PRH1: variants seen among roughly 807,000 people sequenced by gnomAD.
The protein encoded by PRH1 is proline rich protein HaeIII subfamily 1.
A neutral mutation model predicts 7.9 loss-of-function variants in PRH1; 7 were observed. The observed-to-expected ratio is 0.89, with a 90% CI of 0.50 to 1.67. PRH1 has a LOEUF of 1.67. Ranked by LOEUF, PRH1 falls within the 40% of genes most tolerant of loss-of-function variation. The pLI, the probability that PRH1 is intolerant of heterozygous loss-of-function variation, is 0.00. For missense variants in PRH1, 109 were observed against 223.6 expected (o/e 0.49, Z 3.27); for synonymous variants, 45 against 80.8 (o/e 0.56, Z 2.38).
intron 2 of PRH1, among the ~76,000 whole-genome samples, chr12:10,904,694 T>G (rs1038316678): frequency 6.6e-6 from 1 of 152,096 alleles, no homozygotes; most frequent in Non-Finnish European, 1.5e-5. Flanking sequence ...CTAATTAAAC[T>G]AAAGAATTTC....
chr12:11,084,754 A>G (rs1353478221), intron 1 of PRH1, among the ~76,000 whole-genome samples: 1 of 143,190 alleles, frequency 7.0e-6, no homozygotes, highest in African/African-American at 2.5e-5. Flanking sequence ...ATGCACATTT[A>G]TTAATAATGA....
chr12:11,040,529 C>A (rs1435892077), intron 1 of PRH1, among the ~76,000 whole-genome samples: 1 of 152,148 alleles, frequency 6.6e-6, no homozygotes, highest in Non-Finnish European at 1.5e-5. Flanking sequence ...AACACACAGA[C>A]ACAGGGAGGG....
intron 1 of PRH1, among the ~76,000 whole-genome samples, chr12:10,982,063 T>C (rs945774690): frequency 3.9e-5 from 6 of 152,114 alleles, no homozygotes; most frequent in African/African-American, 7.2e-5. Flanking sequence ...AAAGGGGTTC[T>C]AATGAGTTCA....
At chr12:11,134,396 G>C in intron 1 of PRH1, 1 of 989,626 alleles carries the variant, frequency 1.0e-6, no homozygotes, top group Non-Finnish European at 1.4e-6. Context: ...CCAGTGTCAA[G>C]TCAGAAATCA....
At chr12:11,054,937 T>G in intron 1 of PRH1, among the ~76,000 whole-genome samples, 1 of 149,028 alleles carries the variant, frequency 6.7e-6, no homozygotes, top group South Asian at 2.1e-4. Context: ...CACTGCAAGC[T>G]CCGCCTCACT....
At chr12:11,042,623 C>CTTTTTT (rs71051557) in intron 1 of PRH1, among the ~76,000 whole-genome samples, 23 of 79,310 alleles carry the variant, frequency 2.9e-4, no homozygotes, top group East Asian at 7.5e-4. Context: ...CAGGCTCATT[C>CTTTTTT]TTTTTTTTTT....
chr12:10,970,320 A>C (rs1192448462), intron 2 of PRH1, among the ~76,000 whole-genome samples: 1 of 152,162 alleles, frequency 6.6e-6, no homozygotes, highest in Non-Finnish European at 1.5e-5. Context: ...AAATTATTTT[A>C]TTTAAGGATA....
chr12:10,929,224 C>CA (rs759668830), intron 2 of PRH1: 2 of 1,611,994 alleles, frequency 1.2e-6, no homozygotes, highest in African/African-American at 2.7e-5. Context: ...AGGGAGCTGA[C>CA]ACGTTTCTCC....
intron 2 of PRH1, among the ~76,000 whole-genome samples, chr12:10,923,998 T>TG (rs1362686361): frequency 1.4e-5 from 2 of 138,418 alleles, no homozygotes; most frequent in African/African-American, 5.3e-5. Flanking sequence ...CTGTTTTTTT[T>TG]TTTTTTTTTT....
At chr12:11,133,435 G>A (rs1307949325) in intron 1 of PRH1, 1 of 1,613,986 alleles carries the variant, frequency 6.2e-7, no homozygotes, top group Non-Finnish European at 8.5e-7. Context: ...TTGAAGGATA[G>A]CTGAATATAA....
intron 1 of PRH1, among the ~76,000 whole-genome samples, chr12:11,073,702 G>A (rs1944179869): frequency 6.6e-6 from 1 of 151,990 alleles, no homozygotes; most frequent in African/African-American, 2.4e-5. Flanking sequence ...CTCTACAGCA[G>A]GTATAGGCTG....
At chr12:11,038,540 A>T (rs1424656005) in intron 1 of PRH1, among the ~76,000 whole-genome samples, 1 of 152,226 alleles carries the variant, frequency 6.6e-6, no homozygotes, top group Non-Finnish European at 1.5e-5. Context: ...TTCTTCTCAT[A>T]TCTGTATTAT....
At chr12:11,068,706 A>C (rs1943926900) in intron 1 of PRH1, among the ~76,000 whole-genome samples, 1 of 152,224 alleles carries the variant, frequency 6.6e-6, no homozygotes. Flanking sequence ...ATCAACCATA[A>C]TTCCATCTGT....
chr12:10,949,721 A>G (rs1047175495), intron 2 of PRH1, among the ~76,000 whole-genome samples: 1 of 152,154 alleles, frequency 6.6e-6, no homozygotes, highest in Non-Finnish European at 1.5e-5. Context: ...AAACTTAAAT[A>G]CACAGTTAGG....
intron 1 of PRH1, among the ~76,000 whole-genome samples, chr12:11,115,373 C>G (rs546236133): frequency 6.6e-6 from 1 of 152,120 alleles, no homozygotes; most frequent in Admixed American, 6.5e-5. Flanking sequence ...TATATGCACT[C>G]AACACTGGAG....
chr12:11,013,166 A>C (rs766759994), intron 1 of PRH1, among the ~76,000 whole-genome samples: 1 of 152,154 alleles, frequency 6.6e-6, no homozygotes, highest in Non-Finnish European at 1.5e-5. Context: ...TTGATAAAAT[A>C]ACACATTTGG....
At chr12:11,108,418 C>T (rs1161097701) in intron 1 of PRH1, among the ~76,000 whole-genome samples, 1 of 152,160 alleles carries the variant, frequency 6.6e-6, no homozygotes, top group African/African-American at 2.4e-5. Context: ...CAAATCCCAG[C>T]AAGATCAACA....
At position 10,911,214 on chromosome 12, in the gene PRH1, C is replaced by T. The variant is rs11835791; in HGVS notation, c.-58-26939G>A. 3.9e-3 allele frequency among the ~76,000 whole-genome samples: 589 copies of T among 152,162 alleles called. 5 individuals carry two copies. The highest frequency in any genetic ancestry group is 0.013 in the African/African-American group (559 of 41,494). On this transcript the variant is annotated intron_variant, in intron 2 of 3. Transcript: ENST00000539853. ...GGATGCCGGTCACAACTTGATAATA[C>T]CCCAAATCTGTACAAATAGGCCTGA...
chr12:11,000,302 A>T (rs533321211), intron 1 of PRH1, among the ~76,000 whole-genome samples: 1 of 152,082 alleles, frequency 6.6e-6, no homozygotes. Context: ...TCCTTCTTGC[A>T]TGCTTAACCT....
Sources: allele counts gnomAD v4.1 joint callset (sites outside exome capture counted in the v4.1 genomes callset), GRCh38; gene constraint gnomAD v4.1.1; transcripts MANE v1.5; gene names NCBI Gene and HGNC (gene_info 2026-07-23, HGNC 2026-07-21).